Variants in PRKCE observed in about 807,000 individuals in gnomAD.
PRKCE encodes the protein protein kinase C epsilon type.
A neutral mutation model predicts 85.4 loss-of-function variants in PRKCE; 16 were observed. That is an observed-to-expected ratio of 0.19 (90% confidence interval 0.13 to 0.28). The LOEUF (loss-of-function observed/expected upper bound fraction) is 0.28, where lower values mean the gene tolerates loss of function less well. Among genes scored for constraint, PRKCE ranks in the 10% least tolerant of loss-of-function variants. The pLI is 1.00. For missense variants in PRKCE, 573 were observed against 975.2 expected, an observed-to-expected ratio of 0.59 and a Z score of 5.49; for synonymous variants, 388 against 371.5, an observed-to-expected ratio of 1.04 and a Z score of -0.51.
intron 1 of PRKCE, among the ~76,000 whole-genome samples, chr2:45,754,755 G>A (rs1207633587): frequency 8.5e-5 from 13 of 152,208 alleles, no homozygotes; most frequent in Non-Finnish European, 1.9e-4. Flanking sequence ...ATGCCATGGT[G>A]TACCCGTGAC....
In PRKCE at chr2:46,186,782, G is replaced by C. The variant is rs985079266; in HGVS notation, c.*1901G>C. The C allele has an allele frequency of 6.6e-6, 1 of 152,254 alleles. No individual in the cohort carries two copies. The highest frequency in any genetic ancestry group is 2.4e-5 in the African/African-American group (1 of 41,224). 9.4% of individuals were successfully genotyped at this position (152,254 alleles called of 1,614,324 possible). A position where few individuals can be genotyped will look rare whatever the true frequency, so the allele number is the denominator to read the frequency against. On this transcript the variant is annotated 3_prime_UTR_variant, in exon 15 of 15. Coordinates refer to ENST00000306156, the MANE Select transcript of PRKCE (RefSeq NM_005400.3). The stretch of plus-strand genomic sequence containing the variant: ...CTATCTTGAGCCCATTAGAGAGTCT[G>C]TGTCCATATTTGCATCTGGCTGGTC...
Position 46,039,300 on chromosome 2 carries a change from T to A in PRKCE, c.1437+28783T>A, listed in dbSNP as rs145245868. On this transcript the variant is annotated intron_variant, in intron 10 of 14. Transcript: ENST00000306156. ...CTGCTTCCCACCCAGTTTCTCTGTC[T>A]CTCTCACATCTTCCTCCAGTGAGAG... Among the ~76,000 whole-genome samples the A allele has an allele frequency of 1.4e-3, 211 of 152,334 alleles. 3 individuals are homozygous for A. Among genetic ancestry groups the A allele is most frequent in the Non-Finnish European group, 2.4e-4 (16 of 68,034 alleles).
intron 10 of PRKCE, among the ~76,000 whole-genome samples, chr2:46,053,867 T>C (rs2105078034): frequency 6.6e-6 from 1 of 152,334 alleles, no homozygotes; most frequent in African/African-American, 2.4e-5. Flanking sequence ...TTCAATTCTT[T>C]TTGCTATATT....
intron 1 of PRKCE, among the ~76,000 whole-genome samples, chr2:45,756,007 G>A (rs1429248470): frequency 6.6e-6 from 1 of 152,206 alleles, no homozygotes; most frequent in Non-Finnish European, 1.5e-5. Flanking sequence ...GGTATAATAA[G>A]GAGTTGCAGC....
intron 2 of PRKCE, among the ~76,000 whole-genome samples, chr2:45,885,818 T>G (rs139863287): frequency 6.6e-6 from 1 of 152,362 alleles, no homozygotes; most frequent in African/African-American, 2.4e-5. Context: ...GCTTTGATTT[T>G]TGTTATTTTC....
At chr2:45,909,162 C>A (rs1697198080) in intron 2 of PRKCE, among the ~76,000 whole-genome samples, 1 of 152,236 alleles carries the variant, frequency 6.6e-6, no homozygotes, top group South Asian at 2.1e-4. Flanking sequence ...AATAGTACCA[C>A]TTCCTTCAAT....
At chr2:45,729,503 C>T (rs1164499687) in intron 1 of PRKCE, among the ~76,000 whole-genome samples, 3 of 152,226 alleles carry the variant, frequency 2.0e-5, no homozygotes, top group East Asian at 1.9e-4. Context: ...CATTACTTTC[C>T]GATTCCTTTT....
chr2:45,707,027 C>T (rs1679170881), intron 1 of PRKCE, among the ~76,000 whole-genome samples: 2 of 152,188 alleles, frequency 1.3e-5, no homozygotes, highest in African/African-American at 4.8e-5. Context: ...GCTCTCTCCC[C>T]AAAGATGGGG....
chr2:46,037,894 T>C (rs111889305), intron 10 of PRKCE, among the ~76,000 whole-genome samples: 35 of 152,332 alleles, frequency 2.3e-4, no homozygotes, highest in African/African-American at 5.3e-4. Context: ...TTGGTTGTCG[T>C]TGGGCAAATG....
intron 11 of PRKCE, among the ~76,000 whole-genome samples, chr2:46,127,006 G>A (rs1457366047): frequency 1.3e-5 from 2 of 152,216 alleles, no homozygotes; most frequent in African/African-American, 2.4e-5. Context: ...GAGTCAGTGA[G>A]TGCTATTTTA....
chr2:46,142,223 C>T (rs1675610268), intron 11 of PRKCE, among the ~76,000 whole-genome samples: 1 of 152,186 alleles, frequency 6.6e-6, no homozygotes, highest in Non-Finnish European at 1.5e-5. Flanking sequence ...TGAGCTATCC[C>T]ATCCACTGAA....
intron 1 of PRKCE, among the ~76,000 whole-genome samples, chr2:45,823,646 C>T (rs1213412580): frequency 6.6e-6 from 1 of 152,162 alleles, no homozygotes; most frequent in African/African-American, 2.4e-5. Flanking sequence ...CTCCCAACTT[C>T]TTGGTTTAAA....
At chr2:46,119,090 A>C (rs1291153513) in intron 11 of PRKCE, among the ~76,000 whole-genome samples, 1 of 152,208 alleles carries the variant, frequency 6.6e-6, no homozygotes, top group Non-Finnish European at 1.5e-5. Flanking sequence ...TAAAATTAGC[A>C]GAGCTAAGTA....
intron 1 of PRKCE, among the ~76,000 whole-genome samples, chr2:45,778,765 G>A (rs1210071460): frequency 7.9e-5 from 12 of 152,178 alleles, no homozygotes; most frequent in Non-Finnish European, 1.6e-4. Context: ...TTGCATAACA[G>A]CAGGTAAACA....
rs1308509478 is a variant in PRKCE, at chr2:46,004,485, A to T, written c.967-57A>T. 2.4e-5 allele frequency: 33 copies of T among 1,394,926 alleles called. No homozygotes were observed. In the South Asian group the frequency reaches 3.5e-4, roughly 15 times the overall value. 86.4% of individuals were successfully genotyped at this position (1,394,926 alleles called of 1,614,324 possible). ...ACGGCATCTTGATGCTTTTGACATCAGAAAACTCTCAACCCTCCCTTCTGA... is the reference window on the plus strand; with the variant it reads ...ACGGCATCTTGATGCTTTTGACATCTGAAAACTCTCAACCCTCCCTTCTGA... On this transcript the variant is annotated intron_variant, in intron 7 of 14. Coordinates refer to ENST00000306156, the MANE Select transcript of PRKCE (RefSeq NM_005400.3). The surrounding 1 kb of genome is among the most constrained non-coding windows in gnomAD (Gnocchi z 4.1).
chr2:45,846,739 C>G (rs1307042918), intron 2 of PRKCE, among the ~76,000 whole-genome samples: 2 of 152,182 alleles, frequency 1.3e-5, no homozygotes, highest in Non-Finnish European at 2.9e-5. Flanking sequence ...GATTGAAATC[C>G]TGGCTCTAGT....
chr2:45,739,550 C>A (rs767672464), intron 1 of PRKCE, among the ~76,000 whole-genome samples: 6 of 152,044 alleles, frequency 3.9e-5, no homozygotes, highest in Non-Finnish European at 8.8e-5. Context: ...TTTTAAAAAC[C>A]TGACGTTTAT....
At chr2:45,667,563 G>A (rs749261707) in intron 1 of PRKCE, among the ~76,000 whole-genome samples, 3 of 151,926 alleles carry the variant, frequency 2.0e-5, no homozygotes, top group Non-Finnish European at 4.4e-5. Flanking sequence ...GTGTAGTATT[G>A]TAAAAAAAAT....
intron 11 of PRKCE, among the ~76,000 whole-genome samples, chr2:46,088,345 C>T (rs1669846486): frequency 6.6e-6 from 1 of 152,154 alleles, no homozygotes; most frequent in Non-Finnish European, 1.5e-5. Context: ...TCTGTCCAGC[C>T]CCAAAACCCC....
Sources: gnomAD v4.1 joint callset for allele counts (sites outside exome capture counted in the v4.1 genomes callset) on GRCh38, gnomAD v4.1.1 for gene constraint, Gnocchi (gnomAD v3.1) non-coding constraint, MANE v1.5 for transcripts, NCBI Gene and HGNC (gene_info 2026-07-23, HGNC 2026-07-21) for gene names.